Variants in KLKB1 observed in about 807,000 individuals in gnomAD.
KLKB1 encodes the protein plasma kallikrein.
In KLKB1, 58 loss-of-function variants were observed where a neutral mutation model predicts 73.6. The ratio of observed to expected loss-of-function variants is 0.79; its 90% CI spans 0.64 to 0.98. The LOEUF is 0.98. Ranked by LOEUF, KLKB1 falls within the 50% of genes least tolerant of loss-of-function variation. KLKB1 has a pLI of 0.00. For synonymous variants in KLKB1, 280 were observed against 258.1 expected (o/e 1.08, Z -0.81); for missense variants, 737 against 763.8 (o/e 0.96, Z 0.41).
At chr4:186,250,492 C>A in intron 7 of KLKB1, 90 bp downstream of exon 7, 1 of 1,463,800 alleles carries the variant, frequency 6.8e-7, no homozygotes, top group Non-Finnish European at 9.5e-7. Context: ...AGTCTGAGTT[C>A]TTAAAAGTTT....
At chr4:186,254,437 A>G (rs1416840010) in intron 11 of KLKB1, 151 bp from the exon 12 acceptor site, 1 of 715,864 alleles carries the variant, frequency 1.4e-6, no homozygotes, top group Non-Finnish European at 2.5e-6. Flanking sequence ...GCTATTGGTG[A>G]TGAAAAATTA....
intron 11 of KLKB1, among the ~76,000 whole-genome samples, chr4:186,254,035 G>A (rs1285591942): frequency 6.6e-6 from 1 of 152,136 alleles, no homozygotes; most frequent in Non-Finnish European, 1.5e-5. Flanking sequence ...GTTTCATCAT[G>A]TTGGTCAGGC....
intron 6 of KLKB1, among the ~76,000 whole-genome samples, chr4:186,247,793 ATTG>A (rs1036126426): frequency 5.9e-5 from 9 of 152,190 alleles, no homozygotes; most frequent in African/African-American, 2.2e-4. Context: ...TATGGCATAT[ATTG>A]TTTTTTCATA....
chr4:186,224,492 A>G (rs905955445), upstream of KLKB1, among the ~76,000 whole-genome samples: 2 of 152,220 alleles, frequency 1.3e-5, no homozygotes, highest in Non-Finnish European at 2.9e-5. Context: ...AGGGGCTCCA[A>G]GGAGATTATT....
At chr4:186,226,764 C>T (rs1184536489), upstream of KLKB1, among the ~76,000 whole-genome samples, 1 of 152,212 alleles carries the variant, frequency 6.6e-6, no homozygotes, top group Non-Finnish European at 1.5e-5. Context: ...GCCAAGATCT[C>T]TGGAGGCTGA....
Position 186,251,207 on chromosome 4 carries a change from TA to T in KLKB1, c.759-4del, listed in dbSNP as rs1554079154. ...TCTTTCTTTCTCTCTTGCTTTTTTT[TA>T]AAAAAAATAGAAATGTTTGTCTTCT... On this transcript the variant is annotated splice_polypyrimidine_tract_variant and intron_variant, in intron 7 of 14. Coordinates refer to ENST00000264690, the MANE Select transcript of KLKB1 (RefSeq NM_000892.5). The T allele has an allele frequency of 1.3e-5, 21 of 1,557,758 alleles. No homozygotes were observed. Among genetic ancestry groups the T allele is most frequent in the South Asian group, 2.2e-5 (2 of 88,970 alleles).
At chr4:186,236,653 G>A in intron 4 of KLKB1, 128 bp from the exon 5 acceptor site, 1 of 783,180 alleles carries the variant, frequency 1.3e-6, no homozygotes, top group Non-Finnish European at 2.2e-6. Flanking sequence ...AAATCCCTTA[G>A]TTAATATAGC....
chr4:186,243,974 G>A (rs1481267011), intron 6 of KLKB1, among the ~76,000 whole-genome samples: 4 of 152,186 alleles, frequency 2.6e-5, no homozygotes, highest in African/African-American at 9.7e-5. Context: ...GATGTCAGGT[G>A]GATCAGAGAG....
At chr4:186,231,847 A>T (rs1737410411) in intron 2 of KLKB1, among the ~76,000 whole-genome samples, 1 of 152,256 alleles carries the variant, frequency 6.6e-6, no homozygotes, top group Admixed American at 6.5e-5. Flanking sequence ...GAAAAAACTA[A>T]GTTAGGATTT....
chr4:186,236,078 C>T (rs145549717), intron 4 of KLKB1, among the ~76,000 whole-genome samples: 15,404 of 145,410 alleles, frequency 0.11, 901 homozygotes, highest in South Asian at 0.19. Flanking sequence ...CGCGCCACTG[C>T]GCTCCAGCCT....
intron 6 of KLKB1, among the ~76,000 whole-genome samples, chr4:186,244,925 A>G (rs528070145): frequency 3.7e-4 from 56 of 152,196 alleles, no homozygotes; most frequent in Admixed American, 3.3e-3. Flanking sequence ...ATAGGTTGCC[A>G]AGGAGGGAGC....
intron 6 of KLKB1, among the ~76,000 whole-genome samples, chr4:186,244,443 G>A (rs886345106): frequency 6.6e-6 from 1 of 152,202 alleles, no homozygotes; most frequent in Non-Finnish European, 1.5e-5. Flanking sequence ...GAAGAAATTT[G>A]GGCTTGACTG....
In KLKB1 at chr4:186,240,418, T is replaced by C. The variant is rs1441998926; in HGVS notation, c.598+2053T>C. ...GTGATGTTGTAGCAAAACTGTAAGGTCATTCCTTGGTTGTGTCCCTATCTA... is the reference window on the plus strand; with the variant it reads ...GTGATGTTGTAGCAAAACTGTAAGGCCATTCCTTGGTTGTGTCCCTATCTA... On this transcript the variant is annotated intron_variant, in intron 6 of 14. Transcript: ENST00000264690. Among the ~76,000 whole-genome samples the C allele has an allele frequency of 4.6e-5, 7 of 152,282 alleles. No individual in the cohort carries two copies. The East Asian group carries it at 1.2e-3, about 25-fold the overall frequency.
chr4:186,226,255 G>A (rs1737165647), upstream of KLKB1, among the ~76,000 whole-genome samples: 1 of 151,808 alleles, frequency 6.6e-6, no homozygotes, highest in African/African-American at 2.4e-5. Context: ...TTGTCATGCA[G>A]TAAAGATCTC....
chr4:186,230,504 T>C (rs569805942), intron 2 of KLKB1, among the ~76,000 whole-genome samples: 3 of 152,362 alleles, frequency 2.0e-5, no homozygotes, highest in African/African-American at 7.2e-5. Context: ...GCCACCATCA[T>C]TATGAGATAA....
At position 186,252,122 on chromosome 4, in the gene KLKB1, A is replaced by G. The variant is rs771439943; in HGVS notation, c.1250A>G (p.His417Arg). ...CAGGTGAAGCTGACAGCTCAGAGGC[A>G]CCTGTGTGGAGGGTCACTCATAGGA... Reference protein sequence around the residue: ...SLQVKLTAQRHLCGGSLIGHQ... With the variant: ...SLQVKLTAQRRLCGGSLIGHQ... Residue 417 changes from histidine to arginine, a missense_variant, in exon 11 of 15, where the codon CAC (histidine) becomes CGC (arginine). By Grantham distance (29) the His-to-Arg change is conservative. Transcript: ENST00000264690. 6.2e-7 allele frequency: 1 copy of G among 1,613,986 alleles called. No individual in the cohort carries two copies. The highest frequency in any genetic ancestry group is 8.5e-7 in the Non-Finnish European group (1 of 1,180,024).
chr4:186,249,460 C>T (rs1459540238), intron 6 of KLKB1, among the ~76,000 whole-genome samples: 1 of 152,192 alleles, frequency 6.6e-6, no homozygotes, highest in Non-Finnish European at 1.5e-5. Context: ...CAGTTCTATC[C>T]TGTTGACCTA....
upstream of KLKB1, among the ~76,000 whole-genome samples, chr4:186,225,970 TCTGA>T (rs1737155561): frequency 6.6e-6 from 1 of 152,074 alleles, no homozygotes; most frequent in Admixed American, 6.6e-5. Context: ...CTTTTATTAC[TCTGA>T]CTGGGTAATT....
At chr4:186,243,900 A>G (rs995651969) in intron 6 of KLKB1, among the ~76,000 whole-genome samples, 2 of 152,218 alleles carry the variant, frequency 1.3e-5, no homozygotes, top group Admixed American at 6.5e-5. Context: ...TGGAACTGCC[A>G]TCAATAAACC....
Sources: allele counts gnomAD v4.1 joint callset (sites outside exome capture counted in the v4.1 genomes callset), GRCh38; gene constraint gnomAD v4.1.1; transcripts MANE v1.5; gene names NCBI Gene and HGNC (gene_info 2026-07-23, HGNC 2026-07-21).